ZMAT1: variants seen among roughly 807,000 people sequenced by gnomAD.
ZMAT1 encodes the protein zinc finger matrin-type 1.
ZMAT1 carries 11 observed loss-of-function variants against 18.5 expected under a neutral mutation model. The ratio of observed to expected loss-of-function variants is 0.59; its 90% CI spans 0.37 to 0.98. ZMAT1 has a LOEUF of 0.98. Among genes scored for constraint, ZMAT1 ranks in the 50% least tolerant of loss-of-function variants. The pLI is 0.01. For missense variants in ZMAT1, 525 were observed against 496.2 expected, an observed-to-expected ratio of 1.06 and a Z score of -0.55; for synonymous variants, 211 against 176.4, an observed-to-expected ratio of 1.20 and a Z score of -1.55.
intron 4 of ZMAT1, chrX:101,894,929 A>T (rs1927689512): frequency 2.7e-6 from 2 of 740,807 alleles, no homozygotes; most frequent in Non-Finnish European, 3.2e-6. Context: ...ATGAAAAAAA[A>T]ATATGGTTAG....
In ZMAT1 at chrX:101,884,586, C is replaced by T. The variant is rs767498025; in HGVS notation, c.1012G>A (p.Ala338Thr). 3 of 1,210,451 alleles carry T rather than the reference C, an allele frequency of 2.5e-6. No homozygotes were observed. Among genetic ancestry groups the T allele is most frequent in the South Asian group, 1.8e-5 (1 of 56,962 alleles). The change falls in exon 6 of 6, where the codon GCA becomes ACA. Residue 338 changes from alanine (A) to threonine (T), a missense_variant. Coordinates refer to ENST00000651725, the MANE Select transcript of ZMAT1 (RefSeq NM_001394560.1). ...GCTTGTGAAATATTGTATGGTGCTG[C>T]GTATGTCCGGAAAGTCTCAAATGGG... Reference protein sequence around the residue: ...RLPFETFRTYAAPYNISQAME... With the variant: ...RLPFETFRTYTAPYNISQAME...
chrX:101,883,777 T>C lies in ZMAT1; in HGVS notation c.1821A>G (p.Glu607=). Reference sequence around the variant, plus strand: ...GCTTGGACTGCTCTTTCTCTGGCCTTTCTTTGCCTTCTTCTAGGTGTCGTT... The same window carrying C: ...GCTTGGACTGCTCTTTCTCTGGCCTCTCTTTGCCTTCTTCTAGGTGTCGTT... ...KRKRHLEEGK[E]RPEKEQSKHK... Residue 607 remains glutamate, a synonymous_variant, in exon 6 of 6, where the codon GAA becomes GAG. Transcript: ENST00000651725. The C allele has an allele frequency of 2.5e-6, 3 of 1,209,992 alleles. No individual in the cohort carries two copies. Among genetic ancestry groups the C allele is most frequent in the Non-Finnish European group, 3.4e-6 (3 of 895,041 alleles).
chrX:101,887,226 A>G (rs1240946779), intron 4 of ZMAT1: 1 of 751,963 alleles, frequency 1.3e-6, no homozygotes, highest in East Asian at 1.5e-4. Context: ...CTTAGTTACC[A>G]AAAGTAATTT....
intron 1 of ZMAT1, among the ~76,000 whole-genome samples, chrX:101,916,656 G>A (rs1929355867): frequency 2.7e-5 from 3 of 111,359 alleles, no homozygotes; most frequent in African/African-American, 9.8e-5. Flanking sequence ...AAACACCAAT[G>A]ACATTCTTCA....
rs1262462322 is a variant in ZMAT1, at chrX:101,882,731, A to T, written c.*779T>A. On this transcript the variant is annotated 3_prime_UTR_variant, in exon 6 of 6. Coordinates refer to ENST00000651725, the MANE Select transcript of ZMAT1 (RefSeq NM_001394560.1). ...TGAGATATGTGAGAAACATTTAATA[A>T]TTTTTTTTCTTTTTTAAGAAAATGA... The T allele has an allele frequency of 9.0e-6, 1 of 111,335 alleles. No individual in the cohort carries two copies. The highest frequency in any genetic ancestry group is 3.7e-4 in the South Asian group (1 of 2,686). The allele number at this position is 111,335 out of a possible 1,213,427, so 9.2% of individuals were successfully genotyped here.
At chrX:101,922,929 G>A (rs1269508338) in intron 1 of ZMAT1, among the ~76,000 whole-genome samples, 2 of 111,522 alleles carry the variant, frequency 1.8e-5, no homozygotes, top group Admixed American at 1.9e-4. Context: ...GCCTCAGGGA[G>A]CAGATGTTCA....
chrX:101,916,826 C>A (rs778691109), intron 1 of ZMAT1, among the ~76,000 whole-genome samples: 24 of 111,868 alleles, frequency 2.1e-4, no homozygotes, highest in Admixed American at 1.6e-3. Flanking sequence ...CAGTGTGGTA[C>A]TGGCATAAAA....
chrX:101,896,132 G>A (rs1037577193), intron 4 of ZMAT1, among the ~76,000 whole-genome samples: 6 of 111,482 alleles, frequency 5.4e-5, no homozygotes, highest in African/African-American at 2.0e-4. Flanking sequence ...GGCATTGCCT[G>A]ATTATATTCA....
intron 4 of ZMAT1, chrX:101,887,122 C>T: frequency 2.2e-6 from 1 of 455,117 alleles, no homozygotes; most frequent in Non-Finnish European, 2.7e-6. Context: ...TGCCCCAACT[C>T]TGTTTCCACC....
intron 2 of ZMAT1, among the ~76,000 whole-genome samples, chrX:101,900,462 T>C (rs1928142785): frequency 8.9e-6 from 1 of 112,021 alleles, no homozygotes; most frequent in South Asian, 3.7e-4. Flanking sequence ...TTAATCCATG[T>C]TGAGTTGATT....
chrX:101,888,949 T>C (rs904000244), intron 4 of ZMAT1: 1 of 111,571 alleles, frequency 9.0e-6, no homozygotes, highest in Admixed American at 9.5e-5. Flanking sequence ...TACAGTGTTC[T>C]CCTCCATTCC....
chrX:101,928,593 G>A (rs924595747), intron 1 of ZMAT1, among the ~76,000 whole-genome samples: 1 of 112,472 alleles, frequency 8.9e-6, no homozygotes, highest in African/African-American at 3.2e-5. Context: ...TCCTGACCTC[G>A]CGATCTGCCC....
chrX:101,887,347 C>A (rs1254311683), intron 4 of ZMAT1: 1 of 558,594 alleles, frequency 1.8e-6, no homozygotes. Context: ...GAGTCAAAAG[C>A]TATACACTGG....
chrX:101,884,715 C>A lies in ZMAT1; in HGVS notation c.883G>T (p.Ala295Ser), dbSNP rs1205061204. ...TCCATCTTTCTGAAACAAGTCTTGGCCTCTAGTCCTCTGGCTTTCTGCACA... is the reference window on the plus strand; with the variant it reads ...TCCATCTTTCTGAAACAAGTCTTGGACTCTAGTCCTCTGGCTTTCTGCACA... The part of the protein sequence containing the change: ...INVQKARGLE[A>S]KTCFRKMEES... The change falls in exon 6 of 6, where the codon GCC becomes TCC. Residue 295 changes from alanine to serine, a missense_variant. By Grantham distance (99) the Ala-to-Ser change is moderately conservative. Coordinates refer to ENST00000651725, the MANE Select transcript of ZMAT1 (RefSeq NM_001394560.1). 8.3e-7 allele frequency: 1 copy of A among 1,206,275 alleles called. No homozygotes were observed. Among genetic ancestry groups the A allele is most frequent in the Non-Finnish European group, 1.1e-6 (1 of 892,247 alleles).
rs150350439 is a variant in ZMAT1 at position 101,909,215 on chromosome X, C to T, written c.293-4885G>A. 8.2e-5 allele frequency among the ~76,000 whole-genome samples: 9 copies of T among 110,017 alleles called. No individual in the cohort carries two copies. In the East Asian group the frequency reaches 2.6e-3, roughly 32 times the overall value. ...GAAGGAAAGGACCCAATCCTTACAG[C>T]GTTCATCATCTGCTAACTGAAGAGC... On this transcript the variant is annotated intron_variant, in intron 1 of 5. Transcript: ENST00000651725.
intron 1 of ZMAT1, among the ~76,000 whole-genome samples, chrX:101,905,316 G>A (rs1002801344): frequency 8.9e-6 from 1 of 112,377 alleles, no homozygotes; most frequent in African/African-American, 3.2e-5. Flanking sequence ...GTTTCTCACT[G>A]TAATAAATAA....
At chrX:101,928,130 G>A (rs1041979317) in intron 1 of ZMAT1, among the ~76,000 whole-genome samples, 1 of 111,965 alleles carries the variant, frequency 8.9e-6, no homozygotes, top group African/African-American at 3.2e-5. Context: ...ACAATGGAAT[G>A]GTCCTGTGGC....
chrX:101,900,635 T>G (rs2147618985), intron 2 of ZMAT1, among the ~76,000 whole-genome samples: 1 of 111,569 alleles, frequency 9.0e-6, no homozygotes, highest in South Asian at 3.7e-4. Context: ...TATTTCTGAG[T>G]TATCTATTAT....
Position 101,916,302 on chromosome X carries a change from A to C in ZMAT1, c.293-11972T>G, listed in dbSNP as rs189132682. ...ATAGCTAATACATGCAGGGCTTAAA[A>C]CCTAGATGATGGGTTGATAGGTCCA... On this transcript the variant is annotated intron_variant, in intron 1 of 5. Coordinates refer to ENST00000651725, the MANE Select transcript of ZMAT1 (RefSeq NM_001394560.1). Among the ~76,000 whole-genome samples the C allele has an allele frequency of 1.7e-3, 191 of 111,135 alleles. 1 individual carries two copies. Among genetic ancestry groups the C allele is most frequent in the African/African-American group, 5.9e-3 (181 of 30,526 alleles).
Sources: allele counts gnomAD v4.1 joint callset (sites outside exome capture counted in the v4.1 genomes callset), GRCh38; gene constraint gnomAD v4.1.1; transcripts MANE v1.5; gene names NCBI Gene and HGNC (gene_info 2026-07-23, HGNC 2026-07-21).